SERPINB6: variants seen among roughly 807,000 people sequenced by gnomAD.
SERPINB6 encodes serpin family B member 6.
Under a neutral mutation model 26.1 loss-of-function variants are expected in SERPINB6, and 16 were observed. The ratio of observed to expected loss-of-function variants is 0.61; its 90% CI spans 0.42 to 0.93. The LOEUF is 0.93. Ranked by LOEUF, SERPINB6 falls within the 40% of genes least tolerant of loss-of-function variation. The probability of loss-of-function intolerance (pLI) is 0.00; values close to 1 mark genes in which losing one functional copy is unlikely to be tolerated. For synonymous variants in SERPINB6, 174 were observed against 176.6 expected, an observed-to-expected ratio of 0.99 and a Z score of 0.11; for missense variants, 420 against 478.0, an observed-to-expected ratio of 0.88 and a Z score of 1.13.
chr6:2,954,481 A>T, intron 4 of SERPINB6, 111 bp downstream of exon 4: 1 of 914,226 alleles, frequency 1.1e-6, no homozygotes, highest in South Asian at 1.4e-5. Context: ...GTTTGCAGTT[A>T]TTCAGAGAAA....
intron 1 of SERPINB6, chr6:2,959,668 T>C (rs1770885236): frequency 2.5e-6 from 1 of 394,938 alleles, no homozygotes; most frequent in Non-Finnish European, 4.7e-6. Flanking sequence ...GAAGGGGCAC[T>C]GGCTTTTGCT....
At position 2,954,593 on chromosome 6, in the gene SERPINB6, T is replaced by C. The variant is rs1260296022; in HGVS notation, c.429A>G (p.Glu143=). Residue 143 remains glutamate (E), a splice_region_variant and synonymous_variant, in exon 4 of 7, where the codon GAA becomes GAG. Coordinates refer to ENST00000380539, the MANE Select transcript of SERPINB6 (RefSeq NM_004568.6). ...AGTAGAATAACAATACATTTTCACC[T>C]TCTGTCTTTTCAGCTACCCAGGTGT... ...HINTWVAEKT[E]GKIAELLSPG... 1 of 1,608,628 alleles carries C rather than the reference T, an allele frequency of 6.2e-7. No homozygotes were observed. Among genetic ancestry groups the C allele is most frequent in the African/African-American group, 1.3e-5 (1 of 74,820 alleles).
chr6:2,956,872 C>T (rs985959029), intron 2 of SERPINB6: 1 of 152,310 alleles, frequency 6.6e-6, no homozygotes, highest in Non-Finnish European at 1.5e-5. Flanking sequence ...CTTCTTGAAC[C>T]TTCCGGGCCA....
chr6:2,969,150 GA>G (rs1771902194), intron 1 of SERPINB6: 1 of 1,002,296 alleles, frequency 1.0e-6, no homozygotes. Context: ...TACCACTCAA[GA>G]TACTCCAAAT....
At chr6:2,959,069 T>C (rs1770808311) in intron 2 of SERPINB6, 99 bp downstream of exon 2, 1 of 1,501,424 alleles carries the variant, frequency 6.7e-7, no homozygotes, top group Admixed American at 1.7e-5. Flanking sequence ...CCTGCAATAC[T>C]GCACAGTCAT....
At chr6:2,950,098 C>T (rs1042930293) in intron 5 of SERPINB6, among the ~76,000 whole-genome samples, 1 of 152,180 alleles carries the variant, frequency 6.6e-6, no homozygotes, top group Non-Finnish European at 1.5e-5. Flanking sequence ...GTACCATTTA[C>T]CACTGTCTAA....
At chr6:2,970,272 T>C in intron 1 of SERPINB6, 4 of 985,604 alleles carry the variant, frequency 4.1e-6, no homozygotes, top group Non-Finnish European at 4.8e-6. Context: ...TCATGCTGAA[T>C]TGTAATAAAA....
At chr6:2,955,716 G>A (rs1256221714) in intron 2 of SERPINB6, 46 bp from the exon 3 acceptor site, 2 of 1,609,556 alleles carry the variant, frequency 1.2e-6, no homozygotes, top group Admixed American at 3.3e-5. Flanking sequence ...TGTATGCTCT[G>A]ACTTCAGGAA....
chr6:2,952,777 A>G (rs946511255), intron 5 of SERPINB6, among the ~76,000 whole-genome samples: 1 of 152,232 alleles, frequency 6.6e-6, no homozygotes, highest in African/African-American at 2.4e-5. Flanking sequence ...GAAGCTAGAG[A>G]AAAGGAGGAA....
intron 5 of SERPINB6, 25 bp downstream of exon 5, chr6:2,953,019 G>T (rs1391779311): frequency 6.2e-7 from 1 of 1,613,902 alleles, no homozygotes; most frequent in Non-Finnish European, 8.5e-7. Context: ...CACAGGCGCT[G>T]CTCCTGTCAC....
chr6:2,970,128 A>G (rs1012400353), intron 1 of SERPINB6: 1 of 985,106 alleles, frequency 1.0e-6, no homozygotes, highest in Non-Finnish European at 1.2e-6. Flanking sequence ...TAAGCCTGGA[A>G]ATGTAAGGTG....
At chr6:2,959,506 G>A (rs578007272) in intron 1 of SERPINB6, 164 bp from the exon 2 acceptor site, 5 of 714,670 alleles carry the variant, frequency 7.0e-6, no homozygotes, top group South Asian at 6.5e-5. Flanking sequence ...ATTATTTTGT[G>A]TGTTTCTAAT....
At chr6:2,959,838 TA>T (rs36063704) in intron 1 of SERPINB6, 1 of 209,578 alleles carries the variant, frequency 4.8e-6, no homozygotes, top group Non-Finnish European at 9.8e-6. Flanking sequence ...GCAAGAGCCT[TA>T]AAAAAGGATC....
chr6:2,963,803 G>T (rs1462222415), intron 1 of SERPINB6: 1 of 152,296 alleles, frequency 6.6e-6, no homozygotes, highest in African/African-American at 2.4e-5. Flanking sequence ...TACAGGATCA[G>T]AACGACGATC....
chr6:2,959,028 A>G (rs1770802182), intron 2 of SERPINB6, 140 bp downstream of exon 2: 6 of 1,141,340 alleles, frequency 5.3e-6, no homozygotes, highest in Non-Finnish European at 7.6e-6. Flanking sequence ...CATGGGTGGC[A>G]TGCCCTTCCC....
chr6:2,948,849 C>T lies in SERPINB6; in HGVS notation c.729+65G>A. On this transcript the variant is annotated intron_variant, in intron 6 of 6. Coordinates refer to ENST00000380539, the MANE Select transcript of SERPINB6 (RefSeq NM_004568.6). This position sits in a 1 kb window ranked among gnomAD's most constrained non-coding sequence, Gnocchi z 5.0. ...ACGGCTGACCGCAAAGTAGGGACAG[C>T]AGCCACAGCAGACACCCCCGAGTGG... 6.2e-7 allele frequency: 1 copy of T among 1,602,710 alleles called. No individual in the cohort carries two copies. The highest frequency in any genetic ancestry group is 8.5e-7 in the Non-Finnish European group (1 of 1,170,714).
intron 1 of SERPINB6, chr6:2,971,029 A>C: frequency 8.3e-7 from 1 of 1,200,502 alleles, no homozygotes; most frequent in Non-Finnish European, 1.0e-6. Flanking sequence ...CCGGCTCCTA[A>C]CACCCGGCGC....
intron 1 of SERPINB6, chr6:2,970,432 C>T (rs1581288934): frequency 9.4e-7 from 1 of 1,062,444 alleles, no homozygotes; most frequent in East Asian, 6.2e-5. Context: ...CTGATAACAG[C>T]AGTCACTGGT....
chr6:2,963,143 G>A (rs934310640), intron 1 of SERPINB6, among the ~76,000 whole-genome samples: 2 of 151,914 alleles, frequency 1.3e-5, no homozygotes, highest in Non-Finnish European at 2.9e-5. Context: ...TGGAGTAACT[G>A]GGCTACTAAA....
Sources: allele counts gnomAD v4.1 joint callset (sites outside exome capture counted in the v4.1 genomes callset), GRCh38; gene constraint gnomAD v4.1.1; non-coding constraint Gnocchi (gnomAD v3.1); transcripts MANE v1.5; gene names NCBI Gene and HGNC (gene_info 2026-07-23, HGNC 2026-07-21).